Variants in USP8 observed in about 807,000 individuals in gnomAD.
USP8 encodes ubiquitin carboxyl-terminal hydrolase 8.
USP8 carries 27 observed loss-of-function variants against 130.0 expected under a neutral mutation model. That is an observed-to-expected ratio of 0.21 (90% CI 0.15 to 0.29). The LOEUF is 0.29. Among genes scored for constraint, USP8 ranks in the 10% least tolerant of loss-of-function variants. The pLI, the probability that USP8 is intolerant of heterozygous loss-of-function variation, is 1.00. For missense variants in USP8, 1,029 were observed against 1,312.2 expected, an observed-to-expected ratio of 0.78 and a Z score of 3.33; for synonymous variants, 392 against 444.1, an observed-to-expected ratio of 0.88 and a Z score of 1.48.
intron 3 of USP8, among the ~76,000 whole-genome samples, chr15:50,441,941 C>A (rs1257062271): frequency 6.8e-6 from 1 of 146,086 alleles, no homozygotes; most frequent in East Asian, 2.0e-4. Context: ...TGTCAGTTTG[C>A]AAAATTGATA....
intron 8 of USP8, among the ~76,000 whole-genome samples, chr15:50,474,754 G>T (rs560112571): frequency 6.6e-6 from 1 of 152,294 alleles, no homozygotes; most frequent in East Asian, 1.9e-4. Flanking sequence ...ACTATTAGGA[G>T]AAAGCATTGG....
intron 13 of USP8, 147 bp from the exon 14 acceptor site, chr15:50,490,116 T>C (rs974393702): frequency 3.1e-6 from 3 of 978,436 alleles, no homozygotes; most frequent in Non-Finnish European, 4.5e-6. Flanking sequence ...CTTTAAAACC[T>C]AAATTTCTTT....
chr15:50,426,347 T>C (rs550961202), intron 1 of USP8, among the ~76,000 whole-genome samples: 33 of 152,202 alleles, frequency 2.2e-4, no homozygotes, highest in Non-Finnish European at 4.4e-4. Context: ...AGGAAACATT[T>C]AAAAAATACC....
intron 3 of USP8, among the ~76,000 whole-genome samples, chr15:50,444,108 T>C (rs576737766): frequency 6.7e-6 from 1 of 149,436 alleles, no homozygotes; most frequent in Non-Finnish European, 1.5e-5. Context: ...TTTTTTTTTT[T>C]TTTTTTTTTT....
intron 1 of USP8, among the ~76,000 whole-genome samples, chr15:50,432,083 T>C (rs548153676): frequency 4.9e-4 from 75 of 152,314 alleles, no homozygotes; most frequent in African/African-American, 1.8e-3. Context: ...AATTGTCTGT[T>C]GATCCCATTA....
chr15:50,484,195 C>T (rs937109743), intron 11 of USP8, 80 bp from the exon 12 acceptor site: 104 of 1,053,264 alleles, frequency 9.9e-5, no homozygotes, highest in Non-Finnish European at 1.2e-4. Context: ...CTCATAGATT[C>T]GGTTGTGTTA....
chr15:50,449,557 T>C, intron 4 of USP8, 72 bp downstream of exon 4: 1 of 1,136,816 alleles, frequency 8.8e-7, no homozygotes, highest in Non-Finnish European at 1.2e-6. Context: ...ATTTACCGAT[T>C]TATATCTGAC....
intron 11 of USP8, among the ~76,000 whole-genome samples, chr15:50,483,076 T>C (rs2051833702): frequency 6.6e-6 from 1 of 152,258 alleles, no homozygotes; most frequent in Non-Finnish European, 1.5e-5. Context: ...CACTCCAAGA[T>C]ACAATTTAAG....
intron 18 of USP8, 84 bp from the exon 19 acceptor site, chr15:50,498,512 T>C: frequency 2.8e-6 from 4 of 1,452,086 alleles, no homozygotes; most frequent in Non-Finnish European, 3.7e-6. Flanking sequence ...TTTACAGTCC[T>C]GGCTAAAAAT....
intron 7 of USP8, among the ~76,000 whole-genome samples, chr15:50,470,897 C>T (rs957527269): frequency 3.9e-5 from 6 of 152,252 alleles, no homozygotes; most frequent in African/African-American, 9.6e-5. Flanking sequence ...CATGCCCAGC[C>T]GGACTTTAGT....
At chr15:50,431,649 A>T (rs1365661488) in intron 1 of USP8, among the ~76,000 whole-genome samples, 1 of 152,026 alleles carries the variant, frequency 6.6e-6, no homozygotes, top group Non-Finnish European at 1.5e-5. Context: ...CTTCTGTAAT[A>T]TTCCTTATTA....
chr15:50,486,482 C>T (rs1459605875), intron 12 of USP8, among the ~76,000 whole-genome samples: 1 of 151,928 alleles, frequency 6.6e-6, no homozygotes, highest in Non-Finnish European at 1.5e-5. Context: ...GGGTGAGACC[C>T]TGTCTCAAAC....
At chr15:50,460,819 G>A (rs1305838800) in intron 5 of USP8, among the ~76,000 whole-genome samples, 1 of 152,030 alleles carries the variant, frequency 6.6e-6, no homozygotes, top group Non-Finnish European at 1.5e-5. Flanking sequence ...ACATTTTGTA[G>A]CTTTCAGTTA....
At chr15:50,484,057 T>A (rs920953905) in intron 11 of USP8, among the ~76,000 whole-genome samples, 1 of 152,016 alleles carries the variant, frequency 6.6e-6, no homozygotes, top group Non-Finnish European at 1.5e-5. Context: ...CAGTCCACTT[T>A]GATTTTCATC....
chr15:50,446,141 T>C (rs2050434798), intron 3 of USP8, among the ~76,000 whole-genome samples: 1 of 152,222 alleles, frequency 6.6e-6, no homozygotes, highest in African/African-American at 2.4e-5. Context: ...TTTGAATTCA[T>C]ATATTCAGGA....
chr15:50,501,302 GAA>G lies in USP8; in HGVS notation c.*2233_*2234del, dbSNP rs59352489. ...TAGCGAGACTCCATATCTTTTAAAG[GAA>G]AAAAAAAAAAAAAAAAAAGATGAGC... On this transcript the variant is annotated 3_prime_UTR_variant, in exon 20 of 20. Coordinates refer to ENST00000307179, the MANE Select transcript of USP8 (RefSeq NM_005154.5). The G allele has an allele frequency of 3.0e-3, 321 of 108,794 alleles. No individual in the cohort carries two copies. Among genetic ancestry groups the G allele is most frequent in the South Asian group, 3.9e-3 (13 of 3,338 alleles). 6.7% of individuals were successfully genotyped at this position (108,794 alleles called of 1,614,324 possible). A position where few individuals can be genotyped will look rare whatever the true frequency, so the allele number is the denominator to read the frequency against.
chr15:50,460,369 C>T (rs1220097707), intron 5 of USP8, among the ~76,000 whole-genome samples: 1 of 136,242 alleles, frequency 7.3e-6, no homozygotes, highest in South Asian at 2.4e-4. Context: ...TGCAGTGGTG[C>T]GATTTCAGCT....
intron 1 of USP8, among the ~76,000 whole-genome samples, chr15:50,429,425 A>G (rs1434676267): frequency 6.6e-6 from 1 of 152,042 alleles, no homozygotes; most frequent in Non-Finnish European, 1.5e-5. Flanking sequence ...TCAGCTGGAA[A>G]CAAATTGTTG....
At chr15:50,445,085 A>G (rs908775424) in intron 3 of USP8, among the ~76,000 whole-genome samples, 23 of 151,032 alleles carry the variant, frequency 1.5e-4, no homozygotes, top group Non-Finnish European at 3.1e-4. Flanking sequence ...TTTTTGTTAT[A>G]TTTTTCTGTA....
Sources: gnomAD v4.1 joint callset for allele counts (sites outside exome capture counted in the v4.1 genomes callset) on GRCh38, gnomAD v4.1.1 for gene constraint, MANE v1.5 for transcripts, NCBI Gene and HGNC (gene_info 2026-07-23, HGNC 2026-07-21) for gene names.